SHROOM3: variants seen among roughly 807,000 people sequenced by gnomAD.
SHROOM3 encodes the protein shroom family member 3, also known as protein Shroom3.
SHROOM3 carries 47 observed loss-of-function variants against 138.6 expected under a neutral mutation model. That is an observed-to-expected ratio of 0.34 (90% CI 0.27 to 0.43). The LOEUF (loss-of-function observed/expected upper bound fraction) is 0.43, where lower values mean the gene tolerates loss of function less well. Among genes scored for constraint, SHROOM3 ranks in the 20% least tolerant of loss-of-function variants. SHROOM3 has a pLI of 1.00. For missense variants in SHROOM3, 2,491 were observed against 2,596.5 expected (o/e 0.96, Z 0.88); for synonymous variants, 1,062 against 1,063.3 (o/e 1.00, Z 0.02).
intron 9 of SHROOM3, among the ~76,000 whole-genome samples, chr4:76,766,596 C>T (rs977398719): frequency 2.0e-5 from 3 of 152,216 alleles, no homozygotes; most frequent in Non-Finnish European, 4.4e-5. Flanking sequence ...TAAAACAAAA[C>T]ACACCTCTTC....
intron 4 of SHROOM3, among the ~76,000 whole-genome samples, chr4:76,734,484 T>C (rs1720970594): frequency 6.6e-6 from 1 of 152,102 alleles, no homozygotes; most frequent in African/African-American, 2.4e-5. Context: ...ACTTATTTTG[T>C]GCTCTATGTT....
Position 76,653,685 on chromosome 4 carries a change from C to T in SHROOM3, c.324-56471C>T, listed in dbSNP as rs923948127. On this transcript the variant is annotated intron_variant, in intron 2 of 10. Transcript: ENST00000296043. ...GGCTCGAAGGATCCTCCCACCTCAG[C>T]CTTCTGAGTAGCTGGGACTACAGGG... is the stretch of plus-strand genomic sequence containing the variant. Among the ~76,000 whole-genome samples, 7 of 152,194 alleles carry T rather than the reference C, an allele frequency of 4.6e-5. No homozygotes were observed. The East Asian group carries it at 1.4e-3, about 29-fold the overall frequency.
intron 2 of SHROOM3, among the ~76,000 whole-genome samples, chr4:76,603,042 C>G (rs541311925): frequency 6.6e-6 from 1 of 151,968 alleles, no homozygotes; most frequent in Non-Finnish European, 1.5e-5. Flanking sequence ...ATCGATAGAC[C>G]CATTGCAGCT....
At chr4:76,502,029 C>A (rs1309576189) in intron 1 of SHROOM3, among the ~76,000 whole-genome samples, 1 of 152,134 alleles carries the variant, frequency 6.6e-6, no homozygotes, top group Non-Finnish European at 1.5e-5. Flanking sequence ...GAGGGCTCTA[C>A]CCTCATGAAT....
intron 1 of SHROOM3, among the ~76,000 whole-genome samples, chr4:76,484,572 A>AAAAC (rs142274232): frequency 0.037 from 5,515 of 147,590 alleles, 109 homozygotes; most frequent in East Asian, 0.054. Flanking sequence ...CCCTTACTCT[A>AAAAC]AAACAAACAA....
chr4:76,534,279 A>T (rs1435417894), intron 1 of SHROOM3, among the ~76,000 whole-genome samples: 1 of 152,188 alleles, frequency 6.6e-6, no homozygotes, highest in East Asian at 1.9e-4. Context: ...CTCTCATAAA[A>T]CAACCTCATG....
chr4:76,556,590 G>T (rs1002491943), intron 2 of SHROOM3, among the ~76,000 whole-genome samples: 1 of 152,142 alleles, frequency 6.6e-6, no homozygotes, highest in Admixed American at 6.5e-5. Context: ...CCTGCTAAGC[G>T]CTAGGCCCAA....
rs78290288 is a variant in SHROOM3 at position 76,461,624 on chromosome 4, C to T, written c.168+25404C>T. ...CATGTCAAGATGATCAAGAATATGA[C>T]AGTGCAGGAGTTGACATAGTTCTGA... is the stretch of plus-strand genomic sequence containing the variant. On this transcript the variant is annotated intron_variant, in intron 1 of 10. Transcript: ENST00000296043. 2.9e-3 allele frequency among the ~76,000 whole-genome samples: 448 copies of T among 152,268 alleles called. 1 individual carries two copies. The highest frequency in any genetic ancestry group is 0.01 in the African/African-American group (430 of 41,544).
Position 76,740,366 on chromosome 4 carries a change from C to G in SHROOM3, c.2193C>G (p.Ala731=). 1 of 1,613,076 alleles carries G rather than the reference C, an allele frequency of 6.2e-7. No individual in the cohort carries two copies. Among genetic ancestry groups the G allele is most frequent in the Non-Finnish European group, 8.5e-7 (1 of 1,180,014 alleles). ...SYPRPEGRTG[A]SASFNSTDPS... Reference sequence around the variant, plus strand: ...CGCGGCCCGAGGGGAGGACCGGTGCCTCGGCTTCTTTCAACAGCACAGACC... The same window carrying G: ...CGCGGCCCGAGGGGAGGACCGGTGCGTCGGCTTCTTTCAACAGCACAGACC... Residue 731 remains alanine, a synonymous_variant, in exon 5 of 11, where the codon GCC becomes GCG. Transcript: ENST00000296043. This position sits in a 1 kb window ranked among gnomAD's most constrained non-coding sequence, Gnocchi z 4.0.
rs113637722 is a variant in SHROOM3 at position 76,487,186 on chromosome 4, A to T, written c.168+50966A>T. Among the ~76,000 whole-genome samples the T allele has an allele frequency of 9.2e-5, 14 of 152,296 alleles. 1 individual carries two copies. Among genetic ancestry groups the T allele is most frequent in the African/African-American group, 3.1e-4 (13 of 41,560 alleles). On this transcript the variant is annotated intron_variant, in intron 1 of 10. Transcript: ENST00000296043. ...GGACATTTCATATAAATAGAACCAT[A>T]TACTGTGTGGCTTTTGGTGGCAAGT...
chr4:76,503,338 T>C (rs1732140275), intron 1 of SHROOM3, among the ~76,000 whole-genome samples: 1 of 152,206 alleles, frequency 6.6e-6, no homozygotes, highest in Non-Finnish European at 1.5e-5. Context: ...GTAAAGTTCT[T>C]ATACATATTT....
chr4:76,699,045 G>A (rs1719828757), intron 2 of SHROOM3, among the ~76,000 whole-genome samples: 1 of 152,234 alleles, frequency 6.6e-6, no homozygotes, highest in Admixed American at 6.5e-5. Context: ...CCTTATGCAG[G>A]CCATGTTGAT....
chr4:76,692,006 C>A (rs949670749), intron 2 of SHROOM3, among the ~76,000 whole-genome samples: 1 of 152,122 alleles, frequency 6.6e-6, no homozygotes, highest in Non-Finnish European at 1.5e-5. Context: ...GTAATTCTAA[C>A]CACTGTGTGA....
chr4:76,516,524 T>G (rs924391022), intron 1 of SHROOM3, among the ~76,000 whole-genome samples: 3 of 151,962 alleles, frequency 2.0e-5, no homozygotes, highest in Non-Finnish European at 4.4e-5. Flanking sequence ...CTGAACTGAA[T>G]GGTCTGAGTC....
intron 3 of SHROOM3, among the ~76,000 whole-genome samples, chr4:76,710,516 G>A (rs913102763): frequency 6.6e-6 from 1 of 152,094 alleles, no homozygotes; most frequent in Non-Finnish European, 1.5e-5. Context: ...AAAGTTCCTG[G>A]GAGGTCATTC....
rs76848865 is a variant in SHROOM3 at position 76,626,222 on chromosome 4, C to G, written c.323+70459C>G. On this transcript the variant is annotated intron_variant, in intron 2 of 10. Transcript: ENST00000296043. ...GGGAAATCAAAAGAAAGGAAAATCA[C>G]TCTCTCCAAGTGGTAGAAATGATAG... Among the ~76,000 whole-genome samples the G allele has an allele frequency of 1.1e-3, 172 of 152,304 alleles. 1 individual carries two copies. In the East Asian group the frequency reaches 0.015, roughly 13 times the overall value.
chr4:76,574,362 T>C (rs1379873537), intron 2 of SHROOM3, among the ~76,000 whole-genome samples: 1 of 152,058 alleles, frequency 6.6e-6, no homozygotes, highest in East Asian at 1.9e-4. Flanking sequence ...AAATACAAAT[T>C]CCCAGGCCCT....
intron 2 of SHROOM3, among the ~76,000 whole-genome samples, chr4:76,567,016 C>T (rs779255349): frequency 3.9e-5 from 6 of 152,328 alleles, no homozygotes; most frequent in Non-Finnish European, 5.9e-5. Flanking sequence ...AGACCAGCTG[C>T]CAGATTGCTT....
intron 9 of SHROOM3, among the ~76,000 whole-genome samples, chr4:76,765,089 T>C (rs1191452052): frequency 6.6e-6 from 1 of 152,044 alleles, no homozygotes; most frequent in Non-Finnish European, 1.5e-5. Flanking sequence ...TCACTGACTT[T>C]CCTATCTCCA....
Sources: allele counts gnomAD v4.1 joint callset (sites outside exome capture counted in the v4.1 genomes callset), GRCh38; gene constraint gnomAD v4.1.1; non-coding constraint Gnocchi (gnomAD v3.1); transcripts MANE v1.5; gene names NCBI Gene and HGNC (gene_info 2026-07-23, HGNC 2026-07-21).